CASQ2: variants seen among roughly 807,000 people sequenced by gnomAD.
The protein encoded by CASQ2 is calsequestrin-2.
In CASQ2, 49 loss-of-function variants were observed where a neutral mutation model predicts 46.5. The observed-to-expected ratio is 1.05, with a 90% CI of 0.84 to 1.34. The LOEUF is 1.34. Among genes scored for constraint, CASQ2 ranks in the 40% most tolerant of loss-of-function variants. The pLI is 0.00. For missense variants in CASQ2, 486 were observed against 481.3 expected (o/e 1.01, Z -0.09); for synonymous variants, 174 against 168.5 (o/e 1.03, Z -0.25).
At chr1:115,730,137 G>A (rs1195622947) in intron 5 of CASQ2, among the ~76,000 whole-genome samples, 1 of 152,128 alleles carries the variant, frequency 6.6e-6, no homozygotes, top group African/African-American at 2.4e-5. Context: ...TCCTTGGGTG[G>A]CTTTTGAAAA....
At position 115,743,218 on chromosome 1, in the gene CASQ2, T is replaced by TTTATTTAC. The variant is rs1553195640; in HGVS notation, c.319+1609_319+1610insGTAAATAA. The stretch of plus-strand genomic sequence containing the variant: ...TTTTGTTTATTTATTTATTTATTTA[T>TTTATTTAC]TTATTTATTTATTTATTCATTCATT... On this transcript the variant is annotated intron_variant, in intron 2 of 10. Coordinates refer to ENST00000261448, the MANE Select transcript of CASQ2 (RefSeq NM_001232.4). 5.5e-3 allele frequency among the ~76,000 whole-genome samples: 839 copies of TTTATTTAC among 151,800 alleles called. 13 individuals are homozygous for TTTATTTAC. The highest frequency in any genetic ancestry group is 0.019 in the African/African-American group (799 of 41,326).
chr1:115,719,533 C>T (rs758476640), intron 7 of CASQ2, among the ~76,000 whole-genome samples: 4 of 152,222 alleles, frequency 2.6e-5, no homozygotes, highest in Non-Finnish European at 5.9e-5. Context: ...TGTCACTCCC[C>T]AGACCCAAGA....
At chr1:115,743,606 A>G (rs998848861) in intron 2 of CASQ2, among the ~76,000 whole-genome samples, 1 of 152,168 alleles carries the variant, frequency 6.6e-6, no homozygotes, top group Non-Finnish European at 1.5e-5. Flanking sequence ...CTTCTTGAAA[A>G]TAAAATAGAA....
intron 7 of CASQ2, among the ~76,000 whole-genome samples, chr1:115,720,353 T>C (rs1348376244): frequency 6.6e-6 from 1 of 152,168 alleles, no homozygotes; most frequent in East Asian, 1.9e-4. Context: ...GGGCATCTTT[T>C]AGGGCATTAA....
intron 1 of CASQ2, among the ~76,000 whole-genome samples, chr1:115,767,479 C>T (rs1223967911): frequency 6.6e-6 from 1 of 152,142 alleles, no homozygotes; most frequent in Non-Finnish European, 1.5e-5. Context: ...ATCCCTTTCA[C>T]AGGTTTGCGC....
intron 5 of CASQ2, among the ~76,000 whole-genome samples, chr1:115,728,809 G>A (rs1404599189): frequency 6.6e-6 from 1 of 152,140 alleles, no homozygotes; most frequent in African/African-American, 2.4e-5. Flanking sequence ...TCTGGAGGGA[G>A]CAGAGCCAGA....
intron 8 of CASQ2, among the ~76,000 whole-genome samples, chr1:115,713,438 G>C (rs1443460058): frequency 6.6e-6 from 1 of 152,218 alleles, no homozygotes; most frequent in African/African-American, 2.4e-5. Context: ...CGAGGGCCAG[G>C]AGAGCAGACT....
rs536042864 is a variant in CASQ2, at chr1:115,756,971, A to T, written c.234+11337T>A. 9.5e-4 allele frequency among the ~76,000 whole-genome samples: 145 copies of T among 152,248 alleles called. 1 individual carries two copies. In the South Asian group the frequency reaches 0.016, roughly 17 times the overall value. On this transcript the variant is annotated intron_variant, in intron 1 of 10. Transcript: ENST00000261448. ...CTCTGTCTCTAAATAAATAAATAAA[A>T]AAAAACTTATACCTTTGGGAGGAGG...
intron 2 of CASQ2, among the ~76,000 whole-genome samples, chr1:115,742,591 A>G (rs1362232566): frequency 6.6e-6 from 1 of 152,142 alleles, no homozygotes; most frequent in African/African-American, 2.4e-5. Context: ...TTGCTAGTCT[A>G]TTTTTATGTA....
chr1:115,709,207 G>C (rs947053527), intron 8 of CASQ2, among the ~76,000 whole-genome samples: 3 of 152,098 alleles, frequency 2.0e-5, no homozygotes. Flanking sequence ...TTTCCAAAGA[G>C]AGCCTCTGTT....
intron 4 of CASQ2, among the ~76,000 whole-genome samples, chr1:115,733,384 G>A (rs187302699): frequency 4.3e-4 from 66 of 152,262 alleles, no homozygotes; most frequent in Admixed American, 9.2e-4. Flanking sequence ...TAAGTAAGAA[G>A]GAAATTCGTC....
intron 8 of CASQ2, among the ~76,000 whole-genome samples, chr1:115,707,080 G>A (rs1330263258): frequency 6.6e-6 from 1 of 151,794 alleles, no homozygotes; most frequent in Non-Finnish European, 1.5e-5. Context: ...TGCGTGGTGG[G>A]ATCATAGCTC....
At chr1:115,743,988 A>AT (rs1417857935) in intron 2 of CASQ2, among the ~76,000 whole-genome samples, 4 of 151,682 alleles carry the variant, frequency 2.6e-5, no homozygotes, top group Admixed American at 6.6e-5. Flanking sequence ...AATACAAAAA[A>AT]AAAAAATGAA....
In CASQ2 at chr1:115,732,903, CT is replaced by C; in HGVS notation, c.603del (p.Val203LeufsTer7). On this transcript the variant is annotated frameshift_variant, in exon 5 of 11. Coordinates refer to ENST00000261448, the MANE Select transcript of CASQ2 (RefSeq NM_001232.4). LOFTEE classifies it high-confidence loss of function. Reference protein sequence around the residue: ...PYIKFFATFDKGVAKKLSLKM... With the variant: ...PYIKFFATFDXGVAKKLSLKM... The stretch of plus-strand genomic sequence containing the variant: ...ATTGGGGTTTCATAGGTACTTACCC[CT>C]TTGTCAAAGGTGGCAAAGAATTTGA... 7 of 1,612,612 alleles carry C rather than the reference CT, an allele frequency of 4.3e-6. No homozygotes were observed. Among genetic ancestry groups the C allele is most frequent in the Non-Finnish European group, 5.9e-6 (7 of 1,178,678 alleles).
intron 3 of CASQ2, 118 bp downstream of exon 3, chr1:115,740,610 G>A (rs530264398): frequency 2.8e-6 from 2 of 717,546 alleles, no homozygotes; most frequent in East Asian, 5.3e-5. Context: ...TGTGAATCCT[G>A]AAAAACCTGT....
chr1:115,749,840 G>T (rs1317764634), intron 1 of CASQ2, among the ~76,000 whole-genome samples: 2 of 152,202 alleles, frequency 1.3e-5, no homozygotes, highest in Non-Finnish European at 2.9e-5. Context: ...TAGTCTCACT[G>T]CATTCTCAGG....
chr1:115,702,774 G>A, intron 10 of CASQ2, 147 bp downstream of exon 10: 1 of 694,466 alleles, frequency 1.4e-6, no homozygotes, highest in Non-Finnish European at 2.6e-6. Flanking sequence ...ACCAGGCGTG[G>A]AACACACTGG....
intron 7 of CASQ2, among the ~76,000 whole-genome samples, chr1:115,724,364 A>G (rs547024018): frequency 1.3e-5 from 2 of 152,252 alleles, no homozygotes; most frequent in East Asian, 3.9e-4. Context: ...GTGCAGTGGC[A>G]TTATCATGTC....
In CASQ2 at chr1:115,700,811, T is replaced by A. The variant is rs1490175489; in HGVS notation, c.*430A>T. ...GGTATGGAGGGAGCTAAATCATTAA[T>A]CATGTGTCTTCCCTGGGCTCTGATT... On this transcript the variant is annotated 3_prime_UTR_variant, in exon 11 of 11. Transcript: ENST00000261448. 1 of 509,784 alleles carries A rather than the reference T, an allele frequency of 2.0e-6. No homozygotes were observed. Among genetic ancestry groups the A allele is most frequent in the Non-Finnish European group, 3.4e-6 (1 of 293,006 alleles). The allele number at this position is 509,784 out of a possible 1,614,324, so 31.6% of individuals were successfully genotyped here. A position where few individuals can be genotyped will look rare whatever the true frequency, so the allele number is the denominator to read the frequency against.
Sources: gnomAD v4.1 joint callset for allele counts (sites outside exome capture counted in the v4.1 genomes callset) on GRCh38, gnomAD v4.1.1 for gene constraint, MANE v1.5 for transcripts, NCBI Gene and HGNC (gene_info 2026-07-23, HGNC 2026-07-21) for gene names.